The following TIAM1 variants were observed in gnomAD, a reference collection of about 807,000 sequenced individuals.
The protein encoded by TIAM1 is rho guanine nucleotide exchange factor TIAM1.
In TIAM1, 65 loss-of-function variants were observed where a neutral mutation model predicts 163.5. The observed-to-expected ratio is 0.40, with a 90% CI of 0.33 to 0.49. TIAM1 has a LOEUF of 0.49. Among genes scored for constraint, TIAM1 ranks in the 20% least tolerant of loss-of-function variants. The probability of loss-of-function intolerance (pLI) is 0.77; values close to 1 mark genes in which losing one functional copy is unlikely to be tolerated. For synonymous variants in TIAM1, 833 were observed against 810.1 expected (o/e 1.03, Z -0.48); for missense variants, 1,789 against 2,044.7 (o/e 0.87, Z 2.41).
rs113038126 is a variant in TIAM1 at position 31,466,802 on chromosome 21, C to G, written c.-421-2767G>C. The stretch of plus-strand genomic sequence containing the variant: ...TTGCAAAATCTAGAAATGGCCGTTT[C>G]TAAACATCAAGCTACCGTACAATAA... On this transcript the variant is annotated intron_variant, in intron 1 of 28. Coordinates refer to the TIAM1 transcript ENST00000286827. Among the ~76,000 whole-genome samples, 30 of 152,250 alleles carry G rather than the reference C, an allele frequency of 2.0e-4. 1 individual carries two copies. The highest frequency in any genetic ancestry group is 6.5e-4 in the African/African-American group (27 of 41,550).
chr21:31,342,107 AAAAC>A (rs1164306475), intron 1 of TIAM1, among the ~76,000 whole-genome samples: 1 of 152,088 alleles, frequency 6.6e-6, no homozygotes, highest in East Asian at 1.9e-4. Context: ...ATTAGGTATT[AAAAC>A]AAACAATTTT....
intron 2 of TIAM1, among the ~76,000 whole-genome samples, chr21:31,384,913 C>G (rs773657652): frequency 1.4e-4 from 22 of 152,088 alleles, no homozygotes; most frequent in Non-Finnish European, 2.8e-4. Flanking sequence ...GGTAAAGTAA[C>G]CTCACACCCA....
intron 10 of TIAM1, 51 bp from the exon 11 acceptor site, chr21:31,210,266 C>T (rs2086654220): frequency 1.3e-6 from 2 of 1,580,908 alleles, no homozygotes; most frequent in Non-Finnish European, 1.7e-6. Flanking sequence ...GCTCTGACAA[C>T]CCTAGATTCC....
chr21:31,340,210 T>C (rs1221669154), intron 1 of TIAM1, among the ~76,000 whole-genome samples: 1 of 151,544 alleles, frequency 6.6e-6, no homozygotes, highest in Non-Finnish European at 1.5e-5. Context: ...GCTAAGTAAT[T>C]ATGCCATTAC....
intron 1 of TIAM1, among the ~76,000 whole-genome samples, chr21:31,544,216 T>TAATA (rs773385699): frequency 5.2e-4 from 77 of 149,162 alleles, no homozygotes; most frequent in Non-Finnish European, 8.7e-4. Context: ...AAAAAATAAA[T>TAATA]AATAAATAAA....
intron 15 of TIAM1, among the ~76,000 whole-genome samples, chr21:31,170,364 A>G (rs2833322): frequency 0.059 from 8,980 of 152,276 alleles, 935 homozygotes; most frequent in African/African-American, 0.2. Context: ...TACATTTTCC[A>G]TAAGAATTAG....
chr21:31,503,403 AAGAAG>A lies in TIAM1; in HGVS notation c.-421-39373_-421-39369del, dbSNP rs1402222629. Among the ~76,000 whole-genome samples, 183 of 132,886 alleles carry A rather than the reference AAGAAG, an allele frequency of 1.4e-3. 1 individual carries two copies. The highest frequency in any genetic ancestry group is 3.9e-3 in the African/African-American group (141 of 35,702). The allele number at this position is 132,886 out of a possible 152,430, so 87.2% of individuals were successfully genotyped here. ...GAGTAAACTGAGGAAAGAAAAGAAAAAGAAGAGAAGAGAAGAGGAGAAAGAGAGAG... is the reference window on the plus strand; with the variant it reads ...GAGTAAACTGAGGAAAGAAAAGAAAAAGAAGAGAAGAGGAGAAAGAGAGAG... On this transcript the variant is annotated intron_variant, in intron 1 of 28. Transcript: ENST00000286827.
chr21:31,266,163 A>G lies in TIAM1; in HGVS notation c.810T>C (p.His270=). 6.2e-7 allele frequency: 1 copy of G among 1,614,158 alleles called. No homozygotes were observed. Among genetic ancestry groups the G allele is most frequent in the Non-Finnish European group, 8.5e-7 (1 of 1,180,038 alleles). The change falls in exon 4 of 28, where the codon CAT becomes CAC. Residue 270 remains histidine, a synonymous_variant. Transcript: ENST00000541036. The part of the protein sequence containing the change: ...LVSDIPNLAN[H]KMPPAAAEET... ...CTTCAGCAGCAGCTGGTGGCATCTT[A>G]TGGTTTGCAAGATTGGGAATATCAG...
At chr21:31,139,316 A>G (rs2082743253) in intron 22 of TIAM1, among the ~76,000 whole-genome samples, 1 of 152,214 alleles carries the variant, frequency 6.6e-6, no homozygotes, top group Non-Finnish European at 1.5e-5. Context: ...GTTCATTTCC[A>G]TGGCCCAGTA....
At chr21:31,451,710 T>G (rs1410143806) in intron 2 of TIAM1, among the ~76,000 whole-genome samples, 3 of 54,950 alleles carry the variant, frequency 5.5e-5, no homozygotes, top group Non-Finnish European at 7.4e-5. Context: ...AGTGAAAGCA[T>G]GTGTGTGCGT....
chr21:31,429,797 G>A (rs1382509471), intron 2 of TIAM1, among the ~76,000 whole-genome samples: 1 of 142,832 alleles, frequency 7.0e-6, no homozygotes, highest in Non-Finnish European at 1.5e-5. Flanking sequence ...GGAAGAAACA[G>A]ACATGGGCTC....
upstream of TIAM1, among the ~76,000 whole-genome samples, chr21:31,346,773 A>C (rs1602061125): frequency 6.6e-6 from 1 of 152,316 alleles, no homozygotes; most frequent in East Asian, 1.9e-4. Context: ...GAAGGCAAGC[A>C]CCATGAAGTC....
At chr21:31,311,035 T>C (rs893286753) in intron 2 of TIAM1, among the ~76,000 whole-genome samples, 3 of 152,176 alleles carry the variant, frequency 2.0e-5, no homozygotes, top group African/African-American at 7.2e-5. Flanking sequence ...AACACCTGCA[T>C]TGGCTTGGCA....
chr21:31,411,495 A>C, intron 2 of TIAM1, among the ~76,000 whole-genome samples: 1 of 84,072 alleles, frequency 1.2e-5, no homozygotes. Context: ...TTTTTTTTGG[A>C]GATAGGGTCT....
At position 31,266,663 on chromosome 21, in the gene TIAM1, T is replaced by C. The variant is rs149638063; in HGVS notation, c.310A>G (p.Thr104Ala). Residue 104 changes from threonine (T) to alanine (A), a missense_variant, in exon 4 of 28, where the codon ACT becomes GCT. By Grantham distance (58) the Thr-to-Ala change is moderately conservative (BLOSUM62 0). Around this residue, in one of 5 missense-constraint regions of TIAM1, gnomAD observed 555 missense variants for 564.9 expected, o/e 0.98. Coordinates refer to ENST00000541036, the MANE Select transcript of TIAM1 (RefSeq NM_001353694.2). The stretch of plus-strand genomic sequence containing the variant: ...ACGCTGGGAGTGACAGAAGAGTCAG[T>C]GTAAGACACAGGTCTCAAGCCCATG... ...VDMGLRPVSY[T>A]DSSVTPSVDS... The C allele has an allele frequency of 4.3e-6, 7 of 1,614,158 alleles. No individual in the cohort carries two copies. The highest frequency in any genetic ancestry group is 3.3e-5 in the South Asian group (3 of 91,074).
At chr21:31,353,286 A>G (rs1355497654) in intron 2 of TIAM1, among the ~76,000 whole-genome samples, 2 of 152,208 alleles carry the variant, frequency 1.3e-5, no homozygotes, top group African/African-American at 4.8e-5. Context: ...GACCACATTC[A>G]GGTGTACCCT....
chr21:31,149,106 G>A (rs2083269536), intron 19 of TIAM1, among the ~76,000 whole-genome samples: 3 of 152,132 alleles, frequency 2.0e-5, no homozygotes, highest in African/African-American at 7.2e-5. Flanking sequence ...TAGTGTTCAT[G>A]AGCCATCTCA....
chr21:31,557,912 C>T (rs1385722427), intron 1 of TIAM1, among the ~76,000 whole-genome samples: 6 of 152,052 alleles, frequency 3.9e-5, no homozygotes, highest in Admixed American at 3.9e-4. Context: ...ACGGGCGCCC[C>T]CGGGTGCAGG....
chr21:31,185,339 T>G (rs1194843883), intron 14 of TIAM1, among the ~76,000 whole-genome samples: 3 of 149,702 alleles, frequency 2.0e-5, no homozygotes, highest in Admixed American at 6.7e-5. Context: ...CAGATGAAAT[T>G]GTAATAATAT....
Sources: allele counts gnomAD v4.1 joint callset (sites outside exome capture counted in the v4.1 genomes callset), GRCh38; gene constraint gnomAD v4.1.1; regional missense constraint gnomAD v4.1.1; transcripts MANE v1.5; gene names NCBI Gene and HGNC (gene_info 2026-07-23, HGNC 2026-07-21).